The following TESC variants were observed in gnomAD, a reference collection of about 807,000 sequenced individuals.
The protein encoded by TESC is calcineurin B homologous protein 3.
TESC carries 19 observed loss-of-function variants against 31.0 expected under a neutral mutation model. The ratio of observed to expected loss-of-function variants is 0.61; its 90% confidence interval spans 0.43 to 0.90. TESC has a LOEUF of 0.90. Ranked by LOEUF, TESC falls within the 40% of genes least tolerant of loss-of-function variation. The pLI is 0.00. For missense variants in TESC, 248 were observed against 303.8 expected, an observed-to-expected ratio of 0.82 and a Z score of 1.36; for synonymous variants, 109 against 114.8, an observed-to-expected ratio of 0.95 and a Z score of 0.32.
chr12:117,050,320 T>C (rs1156532343), intron 3 of TESC, among the ~76,000 whole-genome samples: 2 of 152,198 alleles, frequency 1.3e-5, no homozygotes, highest in Non-Finnish European at 2.9e-5. Context: ...TATTTACTCC[T>C]TGTCTTTTTA....
At position 117,039,953 on chromosome 12, in the gene TESC, G is replaced by A. The variant is rs543076663; in HGVS notation, c.568-743C>T. Among the ~76,000 whole-genome samples the A allele has an allele frequency of 2.7e-3, 417 of 152,350 alleles. 2 individuals carry two copies. The highest frequency in any genetic ancestry group is 4.6e-3 in the Non-Finnish European group (316 of 68,038). On this transcript the variant is annotated intron_variant, in intron 7 of 7. Transcript: ENST00000335209. ...AGCGCCTTAGCAAGTCAGGGCCCAC[G>A]GGGGCCACAGATGGTAGGATGGGGG...
chr12:117,072,502 G>A (rs979317233), intron 2 of TESC, among the ~76,000 whole-genome samples: 1 of 152,198 alleles, frequency 6.6e-6, no homozygotes, highest in Non-Finnish European at 1.5e-5. Flanking sequence ...ATGGCATGAA[G>A]GATTCTAATA....
intron 1 of TESC, among the ~76,000 whole-genome samples, chr12:117,088,028 G>T (rs1042287196): frequency 2.0e-5 from 3 of 152,154 alleles, no homozygotes; most frequent in African/African-American, 7.2e-5. Context: ...GTCTCAGAGA[G>T]GCTAAGTCAC....
chr12:117,041,534 T>C (rs1954483712), intron 7 of TESC, among the ~76,000 whole-genome samples: 1 of 152,054 alleles, frequency 6.6e-6, no homozygotes, highest in South Asian at 2.1e-4. Flanking sequence ...GGTTTCACCA[T>C]GTTGGTCAAG....
chr12:117,097,906 A>G (rs1354691598), intron 1 of TESC, among the ~76,000 whole-genome samples: 1 of 152,190 alleles, frequency 6.6e-6, no homozygotes, highest in African/African-American at 2.4e-5. Context: ...TTTAAAAAAC[A>G]GAAAAAAGGG....
Position 117,049,011 on chromosome 12 carries a change from G to A in TESC, c.349+8C>T. 6.2e-7 allele frequency: 1 copy of A among 1,614,090 alleles called. No individual in the cohort carries two copies. The highest frequency in any genetic ancestry group is 8.5e-7 in the Non-Finnish European group (1 of 1,179,996). Reference sequence around the variant, plus strand: ...CAGGTGTGAGCAAGGGGACTCAGTGGCACGCACATCTCAGCTTCTCCTTCC... The same window carrying A: ...CAGGTGTGAGCAAGGGGACTCAGTGACACGCACATCTCAGCTTCTCCTTCC... On this transcript the variant is annotated splice_region_variant and intron_variant, in intron 4 of 7. Transcript: ENST00000335209.
chr12:117,049,051 T>TG lies in TESC; in HGVS notation c.316dup (p.Gln106ProfsTer71). ...CTTCTCCTTCCGGGACAGCTCCACCTGTTCCTCGTCCATGGTGGTGTCGAT... is the reference window on the plus strand; with the variant it reads ...CTTCTCCTTCCGGGACAGCTCCACCTGGTTCCTCGTCCATGGTGGTGTCGAT... On this transcript the variant is annotated frameshift_variant, in exon 4 of 8. Transcript: ENST00000335209. LOFTEE classifies it high-confidence loss of function. 6.2e-7 allele frequency: 1 copy of TG among 1,614,224 alleles called. No individual in the cohort carries two copies. Among genetic ancestry groups the TG allele is most frequent in the Non-Finnish European group, 8.5e-7 (1 of 1,180,040 alleles).
chr12:117,088,659 C>T (rs1410213339), intron 1 of TESC, among the ~76,000 whole-genome samples: 2 of 138,994 alleles, frequency 1.4e-5, no homozygotes, highest in Non-Finnish European at 1.5e-5. Context: ...CCAGCCTGGG[C>T]GACAGAGTGA....
rs576046556 is a variant in TESC at position 117,076,957 on chromosome 12, C to T, written c.59-1617G>A. The stretch of plus-strand genomic sequence containing the variant: ...GGGGACTATATACAGTTCACACAAA[C>T]CTTTCCAAAACACGGGCTGGACTGC... On this transcript the variant is annotated intron_variant, in intron 1 of 7. Coordinates refer to ENST00000335209, the MANE Select transcript of TESC (RefSeq NM_017899.4). Among the ~76,000 whole-genome samples, 22 of 152,278 alleles carry T rather than the reference C, an allele frequency of 1.4e-4. 1 individual carries two copies. The South Asian group carries it at 3.5e-3, about 24-fold the overall frequency.
chr12:117,048,685 G>A (rs925095318), intron 4 of TESC: 14 of 499,544 alleles, frequency 2.8e-5, no homozygotes, highest in East Asian at 1.1e-4. Context: ...GCATACCCAC[G>A]TTCTGGGTCA....
chr12:117,076,171 G>C (rs902985678), intron 1 of TESC, among the ~76,000 whole-genome samples: 3 of 150,090 alleles, frequency 2.0e-5, no homozygotes, highest in South Asian at 2.1e-4. Flanking sequence ...CAGAAGATGA[G>C]TTTTATCCTA....
chr12:117,077,802 AT>A (rs1955093729), intron 1 of TESC, among the ~76,000 whole-genome samples: 1 of 152,188 alleles, frequency 6.6e-6, no homozygotes, highest in African/African-American at 2.4e-5. Context: ...AGTAACTTGA[AT>A]GGAGTGCAAA....
chr12:117,062,685 C>T (rs752767653), intron 2 of TESC, among the ~76,000 whole-genome samples: 9 of 152,204 alleles, frequency 5.9e-5, no homozygotes, highest in East Asian at 1.9e-4. Context: ...AGGAGAGCAC[C>T]GGCCTTGAGT....
intron 6 of TESC, 78 bp downstream of exon 6, chr12:117,046,481 C>T (rs771845840): frequency 5.5e-5 from 77 of 1,399,566 alleles, no homozygotes; most frequent in Middle Eastern, 2.4e-4. Context: ...TGGCCCCTGC[C>T]CCATGAGGCC....
At chr12:117,050,985 G>A (rs909189948) in intron 3 of TESC, among the ~76,000 whole-genome samples, 2 of 152,178 alleles carry the variant, frequency 1.3e-5, no homozygotes, top group African/African-American at 2.4e-5. Flanking sequence ...ACCCACTGTC[G>A]TCAAACCCTT....
At chr12:117,086,865 T>C (rs1261561259) in intron 1 of TESC, among the ~76,000 whole-genome samples, 2 of 152,230 alleles carry the variant, frequency 1.3e-5, no homozygotes, top group South Asian at 2.1e-4. Flanking sequence ...GGGACTGTTA[T>C]TATTGTTCCC....
chr12:117,046,523 C>A (rs1462394396), intron 6 of TESC, 36 bp downstream of exon 6: 1 of 1,526,790 alleles, frequency 6.5e-7, no homozygotes, highest in South Asian at 1.2e-5. Flanking sequence ...GCGGGAAAGG[C>A]ACTGCGCGTC....
intron 1 of TESC, among the ~76,000 whole-genome samples, chr12:117,097,232 C>T (rs1194666490): frequency 1.3e-5 from 2 of 152,210 alleles, no homozygotes; most frequent in Non-Finnish European, 2.9e-5. Flanking sequence ...ACCTCCTCTC[C>T]GACCCTCTCC....
intron 2 of TESC, among the ~76,000 whole-genome samples, chr12:117,066,898 T>C (rs1170847959): frequency 6.6e-6 from 1 of 152,046 alleles, no homozygotes; most frequent in Non-Finnish European, 1.5e-5. Context: ...GGGAAAAGAA[T>C]CTCTATAAAA....
Sources: allele counts gnomAD v4.1 joint callset (sites outside exome capture counted in the v4.1 genomes callset), GRCh38; gene constraint gnomAD v4.1.1; transcripts MANE v1.5; gene names NCBI Gene and HGNC (gene_info 2026-07-23, HGNC 2026-07-21).